Variants in ITGA2 observed in about 807,000 individuals in gnomAD.
ITGA2 encodes the protein integrin alpha-2.
In ITGA2, 101 loss-of-function variants were observed where a neutral mutation model predicts 146.3. The observed-to-expected ratio is 0.69, with a 90% confidence interval of 0.59 to 0.81. The LOEUF (loss-of-function observed/expected upper bound fraction) is 0.81, where lower values mean the gene tolerates loss of function less well. Ranked by LOEUF, ITGA2 falls within the 40% of genes least tolerant of loss-of-function variation. The pLI is 0.00. For missense variants in ITGA2, 1,281 were observed against 1,402.7 expected (o/e 0.91, Z 1.39); for synonymous variants, 477 against 487.1 (o/e 0.98, Z 0.27).
intron 1 of ITGA2, among the ~76,000 whole-genome samples, chr5:52,994,476 G>A (rs756075442): frequency 4.6e-5 from 7 of 152,230 alleles, no homozygotes; most frequent in Non-Finnish European, 1.0e-4. Flanking sequence ...GTTGACCAAT[G>A]AGATCTGCTG....
chr5:53,086,902 T>C (rs768495594), intron 27 of ITGA2, 50 bp from the exon 28 acceptor site: 2 of 1,388,072 alleles, frequency 1.4e-6, no homozygotes, highest in Non-Finnish European at 1.0e-6. Context: ...CCAGCTTCTC[T>C]GCATTTGCTG....
intron 1 of ITGA2, among the ~76,000 whole-genome samples, chr5:53,023,037 T>C (rs772627890): frequency 6.6e-6 from 1 of 152,218 alleles, no homozygotes; most frequent in African/African-American, 2.4e-5. Flanking sequence ...GCCTGGTTAC[T>C]GTCAACACGT....
chr5:53,065,794 G>A (rs1401599429), intron 14 of ITGA2, 47 bp from the exon 15 acceptor site: 1 of 1,610,626 alleles, frequency 6.2e-7, no homozygotes, highest in South Asian at 1.1e-5. Context: ...CCATTTTCTG[G>A]TTCAGCTGTT....
rs1403839682 is a variant in ITGA2 at position 53,026,808 on chromosome 5, G to A, written c.125G>A (p.Gly42Asp). Residue 42 changes from glycine (G) to aspartate (D), a missense_variant, in exon 2 of 30, where the codon GGT (glycine) becomes GAT (aspartate). By Grantham distance (94) the Gly-to-Asp change is moderately conservative. Around this residue, in one of 3 missense-constraint regions of ITGA2, gnomAD observed 795 missense variants for 841.7 expected, o/e 0.94. Coordinates refer to ENST00000296585, the MANE Select transcript of ITGA2 (RefSeq NM_002203.4). ...CTCCCAGAAGCAAAAATATTTTCCG[G>A]TCCTTCAAGTGAACAGTTTGGCTAT... ...VGLPEAKIFS[G>D]PSSEQFGYAV... 1.2e-6 allele frequency: 2 copies of A among 1,613,284 alleles called. No homozygotes were observed. Among genetic ancestry groups the A allele is most frequent in the Non-Finnish European group, 1.7e-6 (2 of 1,179,470 alleles).
rs554136760 is a variant in ITGA2, at chr5:53,059,424, C to G, written c.1174-450C>G. On this transcript the variant is annotated intron_variant, in intron 10 of 29. Transcript: ENST00000296585. Reference sequence around the variant, plus strand: ...GCCTCCCGAGCCGTGTCTGGGATAGCAGAAGTATCTCCGTCTCTCCCGTGT... The same window carrying G: ...GCCTCCCGAGCCGTGTCTGGGATAGGAGAAGTATCTCCGTCTCTCCCGTGT... Among the ~76,000 whole-genome samples the G allele has an allele frequency of 3.8e-3, 574 of 152,060 alleles. 6 individuals are homozygous for G. The highest frequency in any genetic ancestry group is 6.8e-3 in the Non-Finnish European group (459 of 67,908).
rs1476133370 is a variant in ITGA2 at position 53,093,593 on chromosome 5, G to A, written c.*2994G>A. On this transcript the variant is annotated 3_prime_UTR_variant, in exon 30 of 30. Transcript: ENST00000296585. ...GACATTGTCAAATGCCTCCTGGGGGGCAGTATTTCTCAAGCACTTTTAAGC... is the reference window on the plus strand; with the variant it reads ...GACATTGTCAAATGCCTCCTGGGGGACAGTATTTCTCAAGCACTTTTAAGC... 6.6e-6 allele frequency: 1 copy of A among 152,188 alleles called. No individual in the cohort carries two copies. Among genetic ancestry groups the A allele is most frequent in the Non-Finnish European group, 1.5e-5 (1 of 68,038 alleles). The allele number at this position is 152,188 out of a possible 1,614,324, so 9.4% of individuals were successfully genotyped here.
In ITGA2 at chr5:53,056,070, A is replaced by C; in HGVS notation, c.1017A>C (p.Arg339Ser). The change falls in exon 9 of 30, where the codon AGA becomes AGC. Residue 339 changes from arginine (R) to serine (S), a missense_variant. Physicochemically the swap from Arg to Ser is moderately radical, Grantham distance 110 (BLOSUM62 -1). Coordinates refer to ENST00000296585, the MANE Select transcript of ITGA2 (RefSeq NM_002203.4). ...IKAIASIPTE[R>S]YFFNVSDEAA... ...CAATCGCTAGTATTCCAACAGAAAG[A>C]TACTTTTTCAATGTGTCTGATGAAG... The C allele has an allele frequency of 6.2e-7, 1 of 1,611,852 alleles. No individual in the cohort carries two copies. The highest frequency in any genetic ancestry group is 8.5e-7 in the Non-Finnish European group (1 of 1,178,686).
chr5:53,068,913 C>T (rs1038745881), intron 16 of ITGA2, among the ~76,000 whole-genome samples: 1 of 146,010 alleles, frequency 6.8e-6, no homozygotes, highest in African/African-American at 2.5e-5. Flanking sequence ...TAACTTTGTC[C>T]TAACTGCACT....
intron 1 of ITGA2, among the ~76,000 whole-genome samples, chr5:52,991,049 T>G (rs1013503097): frequency 1.3e-5 from 2 of 152,170 alleles, no homozygotes; most frequent in Admixed American, 1.3e-4. Flanking sequence ...GAGAAATTCT[T>G]TAATGGAATG....
In ITGA2 at chr5:53,042,176, C is replaced by T; in HGVS notation, c.250C>T (p.Pro84Ser). 1 of 1,613,316 alleles carries T rather than the reference C, an allele frequency of 6.2e-7. No homozygotes were observed. The highest frequency in any genetic ancestry group is 8.5e-7 in the Non-Finnish European group (1 of 1,179,342). The change falls in exon 3 of 30, where the codon CCT becomes TCT. Residue 84 changes from proline (P) to serine (S), a missense_variant. Pro to Ser is a moderately conservative substitution (Grantham distance 74). Around this residue, in one of 3 missense-constraint regions of ITGA2, gnomAD observed 795 missense variants for 841.7 expected, o/e 0.94. Transcript: ENST00000296585. ...ENRMGDVYKC[P>S]VDLSTATCEK... Reference sequence around the variant, plus strand: ...CCGAATGGGAGATGTGTATAAATGTCCTGTTGACCTATCCACTGCCACATG... The same window carrying T: ...CCGAATGGGAGATGTGTATAAATGTTCTGTTGACCTATCCACTGCCACATG...
chr5:53,074,352 A>G lies in ITGA2; in HGVS notation c.2572-33A>G, dbSNP rs371279640. The G allele has an allele frequency of 8.9e-6, 14 of 1,569,342 alleles. No homozygotes were observed. The African/African-American group carries it at 1.1e-4, about 12-fold the overall frequency. The stretch of plus-strand genomic sequence containing the variant: ...ATACACACACAAATGTTGTATGCCA[A>G]TTGATCATTGTTGTTTCCTTGGTCT... On this transcript the variant is annotated intron_variant, in intron 20 of 29. Coordinates refer to ENST00000296585, the MANE Select transcript of ITGA2 (RefSeq NM_002203.4).
chr5:53,088,550 G>C (rs931030500), intron 28 of ITGA2, among the ~76,000 whole-genome samples: 3 of 152,110 alleles, frequency 2.0e-5, no homozygotes, highest in African/African-American at 7.2e-5. Context: ...GCTGGGTGTG[G>C]TGGTGCACGC....
At chr5:53,001,588 A>C (rs1357530155) in intron 1 of ITGA2, among the ~76,000 whole-genome samples, 8 of 152,150 alleles carry the variant, frequency 5.3e-5, no homozygotes, top group Admixed American at 5.2e-4. Context: ...ACTCCCCAGC[A>C]CTTTGGAAAG....
intron 1 of ITGA2, among the ~76,000 whole-genome samples, chr5:52,993,832 A>C (rs996546018): frequency 6.6e-6 from 1 of 152,186 alleles, no homozygotes; most frequent in Non-Finnish European, 1.5e-5. Flanking sequence ...TTGACTACCA[A>C]CACTGCTCAG....
intron 1 of ITGA2, among the ~76,000 whole-genome samples, chr5:53,016,937 G>A (rs1043324739): frequency 6.6e-6 from 1 of 152,164 alleles, no homozygotes; most frequent in Non-Finnish European, 1.5e-5. Flanking sequence ...TGTATCAGAT[G>A]AATATTTCTT....
Position 53,093,977 on chromosome 5 carries a change from A to G in ITGA2, c.*3378A>G, listed in dbSNP as rs556994179. On this transcript the variant is annotated 3_prime_UTR_variant, in exon 30 of 30. Transcript: ENST00000296585. ...AAATAGTTACCTATTAAAACTGTGA[A>G]GAGTAAAACTAAAGCCAATTTATTA... 3 of 65,756 alleles carry G rather than the reference A, an allele frequency of 4.6e-5. No homozygotes were observed. The South Asian group carries it at 1.4e-3, about 31-fold the overall frequency. The allele number at this position is 65,756 out of a possible 1,614,324, so 4.1% of individuals were successfully genotyped here.
At chr5:53,042,315 C>T in intron 3 of ITGA2, 94 bp downstream of exon 3, 2 of 883,820 alleles carry the variant, frequency 2.3e-6, no homozygotes, top group Non-Finnish European at 1.9e-6. Context: ...TAAAGAAATA[C>T]AGACAGCTTT....
chr5:53,026,659 A>C, intron 1 of ITGA2, 89 bp from the exon 2 acceptor site: 1 of 1,196,318 alleles, frequency 8.4e-7, no homozygotes, highest in Non-Finnish European at 1.2e-6. Context: ...AGGTCAAGCA[A>C]GTTTTCTTAA....
intron 2 of ITGA2, among the ~76,000 whole-genome samples, chr5:53,034,298 A>G (rs1197775407): frequency 6.6e-6 from 1 of 152,070 alleles, no homozygotes; most frequent in African/African-American, 2.4e-5. Flanking sequence ...ACAGGTATCC[A>G]AAGTGGCATG....
Sources: allele counts gnomAD v4.1 joint callset (sites outside exome capture counted in the v4.1 genomes callset), GRCh38; gene constraint gnomAD v4.1.1; regional missense constraint gnomAD v4.1.1; transcripts MANE v1.5; gene names NCBI Gene and HGNC (gene_info 2026-07-23, HGNC 2026-07-21).